ATP2B2: variants seen among roughly 807,000 people sequenced by gnomAD.
ATP2B2 encodes plasma membrane calcium-transporting ATPase 2.
Under a neutral mutation model 120.0 loss-of-function variants are expected in ATP2B2, and 15 were observed. That is an observed-to-expected ratio of 0.12 (90% confidence interval 0.08 to 0.19). The LOEUF (loss-of-function observed/expected upper bound fraction) is 0.19. Ranked by LOEUF, ATP2B2 falls within the 10% of genes least tolerant of loss-of-function variation. The probability of loss-of-function intolerance (pLI) is 1.00; values close to 1 mark genes in which losing one functional copy is unlikely to be tolerated. For synonymous variants in ATP2B2, 694 were observed against 700.3 expected, an observed-to-expected ratio of 0.99 and a Z score of 0.14; for missense variants, 1,045 against 1,719.8, an observed-to-expected ratio of 0.61 and a Z score of 6.94.
chr3:10,673,207 A>G (rs1371394805), intron 1 of ATP2B2, among the ~76,000 whole-genome samples: 1 of 152,144 alleles, frequency 6.6e-6, no homozygotes, highest in Non-Finnish European at 1.5e-5. Context: ...CGGCTGCCTG[A>G]ATAGACTCAG....
At position 10,326,079 on chromosome 3, in the gene ATP2B2, A is replaced by G. The variant is rs1042748900; in HGVS notation, c.*2735T>C. ...ATTGCATAGTATTAAATGAACAGAG[A>G]TGGTGAGTTCTTTATTTACATTATT... On this transcript the variant is annotated 3_prime_UTR_variant, in exon 23 of 23. Coordinates refer to ENST00000360273, the MANE Select transcript of ATP2B2 (RefSeq NM_001001331.4). 6.8e-5 allele frequency: 7 copies of G among 102,784 alleles called. No homozygotes were observed. Among genetic ancestry groups the G allele is most frequent in the Non-Finnish European group, 1.4e-4 (7 of 51,008 alleles). 6.4% of individuals were successfully genotyped at this position (102,784 alleles called of 1,614,324 possible). A position where few individuals can be genotyped will look rare whatever the true frequency, so the allele number is the denominator to read the frequency against.
chr3:10,362,571 G>A (rs1392331143), intron 12 of ATP2B2, among the ~76,000 whole-genome samples: 1 of 152,232 alleles, frequency 6.6e-6, no homozygotes, highest in Non-Finnish European at 1.5e-5. Flanking sequence ...TAAAGTGGAT[G>A]TGGTGAGGGA....
At chr3:10,514,811 C>T (rs936681936) in intron 3 of ATP2B2, among the ~76,000 whole-genome samples, 1 of 152,236 alleles carries the variant, frequency 6.6e-6, no homozygotes, top group African/African-American at 2.4e-5. Flanking sequence ...ACTCTGCAGG[C>T]CCTCTATGGA....
intron 1 of ATP2B2, among the ~76,000 whole-genome samples, chr3:10,498,421 C>T (rs924098735): frequency 2.6e-5 from 4 of 152,368 alleles, no homozygotes; most frequent in East Asian, 1.9e-4. Flanking sequence ...CCCTCTGCTC[C>T]GGATGAGCCT....
At chr3:10,648,776 C>T (rs2070382197) in intron 1 of ATP2B2, among the ~76,000 whole-genome samples, 1 of 152,206 alleles carries the variant, frequency 6.6e-6, no homozygotes, top group African/African-American at 2.4e-5. Flanking sequence ...CCAAATCCTA[C>T]CAGTTTTCCA....
chr3:10,402,918 A>G lies in ATP2B2; in HGVS notation c.398-570T>C, dbSNP rs1489490432. On this transcript the variant is annotated intron_variant, in intron 3 of 22. Transcript: ENST00000360273. The surrounding 1 kb of genome is among the most constrained non-coding windows in gnomAD (Gnocchi z 4.9). ...TTTTCTCTAATTCATGAGAAAAGAG[A>G]GTAAGTGAGGTATTTTTCTTTTTTT... 1.3e-5 allele frequency among the ~76,000 whole-genome samples: 2 copies of G among 149,604 alleles called. No homozygotes were observed. The highest frequency in any genetic ancestry group is 2.9e-5 in the Non-Finnish European group (2 of 68,008).
chr3:10,488,032 C>T (rs1307813556), intron 1 of ATP2B2, among the ~76,000 whole-genome samples: 1 of 151,976 alleles, frequency 6.6e-6, no homozygotes, highest in Non-Finnish European at 1.5e-5. Flanking sequence ...CATCTACTCA[C>T]TCATTCATCC....
intron 2 of ATP2B2, among the ~76,000 whole-genome samples, chr3:10,590,705 C>T (rs1233561802): frequency 6.6e-6 from 1 of 152,238 alleles, no homozygotes; most frequent in African/African-American, 2.4e-5. Flanking sequence ...TGCCCCAAGG[C>T]ACTCTCCCTG....
intron 5 of ATP2B2, among the ~76,000 whole-genome samples, chr3:10,388,959 T>C (rs543630470): frequency 5.9e-5 from 9 of 152,374 alleles, no homozygotes; most frequent in African/African-American, 2.2e-4. Flanking sequence ...GCCAATATAA[T>C]TGGTTTCCTT....
intron 2 of ATP2B2, among the ~76,000 whole-genome samples, chr3:10,444,953 C>T (rs2063788007): frequency 6.6e-6 from 1 of 152,232 alleles, no homozygotes; most frequent in Admixed American, 6.5e-5. Flanking sequence ...GTGTTGGAGA[C>T]ATGGTGGAGA....
At position 10,371,837 on chromosome 3, in the gene ATP2B2, A is replaced by T; in HGVS notation, c.1631T>A (p.Ile544Asn). Reference protein sequence around the residue: ...TMELLINAIAINSAYTTKILP... With the variant: ...TMELLINAIANNSAYTTKILP... ...AATCTTGGTGGTGTAGGCGCTGTTG[A>T]TGGCGATGGCATTGATCAGCAGCTC... The change falls in exon 12 of 23, where the codon ATC becomes AAC. Residue 544 changes from isoleucine (I) to asparagine (N), a missense_variant. Around this residue, in one of 11 missense-constraint regions of ATP2B2, gnomAD observed 343 missense variants for 536.8 expected, o/e 0.64. Coordinates refer to ENST00000360273, the MANE Select transcript of ATP2B2 (RefSeq NM_001001331.4). 6.2e-7 allele frequency: 1 copy of T among 1,614,122 alleles called. No homozygotes were observed. Among genetic ancestry groups the T allele is most frequent in the Non-Finnish European group, 8.5e-7 (1 of 1,180,018 alleles).
At chr3:10,336,144 G>A (rs1031187098) in intron 22 of ATP2B2, 2 of 1,550,634 alleles carry the variant, frequency 1.3e-6, no homozygotes, top group African/African-American at 2.7e-5. Context: ...GCTGCAGCAG[G>A]AGGAAGGCTG....
At chr3:10,421,373 G>A (rs1202604075) in intron 2 of ATP2B2, among the ~76,000 whole-genome samples, 2 of 152,126 alleles carry the variant, frequency 1.3e-5, no homozygotes, top group African/African-American at 4.8e-5. Context: ...TTCCCTGAAA[G>A]CTGCCAACAG....
intron 2 of ATP2B2, among the ~76,000 whole-genome samples, chr3:10,417,028 C>T (rs1159949739): frequency 5.4e-5 from 7 of 128,904 alleles, no homozygotes; most frequent in Non-Finnish European, 1.1e-4. Flanking sequence ...CCAGATAGGG[C>T]GGCAGCCAGG....
chr3:10,590,753 G>A (rs1159931610), intron 2 of ATP2B2, among the ~76,000 whole-genome samples: 1 of 152,224 alleles, frequency 6.6e-6, no homozygotes, highest in East Asian at 1.9e-4. Flanking sequence ...GGCCAGTTGT[G>A]CTCACAACAT....
chr3:10,343,373 T>C lies in ATP2B2; in HGVS notation c.2704-408A>G, dbSNP rs1459834370. 6.8e-6 allele frequency among the ~76,000 whole-genome samples: 1 copy of C among 147,790 alleles called. No individual in the cohort carries two copies. The highest frequency in any genetic ancestry group is 2.1e-4 in the East Asian group (1 of 4,708). ...CCACTGCCTCCTCCCCCTCGGGCTTTCTATCCTACAAACAGTGCCCGTCCC... is the reference window on the plus strand; with the variant it reads ...CCACTGCCTCCTCCCCCTCGGGCTTCCTATCCTACAAACAGTGCCCGTCCC... On this transcript the variant is annotated intron_variant, in intron 18 of 22. Transcript: ENST00000360273. The surrounding 1 kb of genome is among the most constrained non-coding windows in gnomAD (Gnocchi z 4.2).
chr3:10,379,112 G>A, intron 9 of ATP2B2, 131 bp downstream of exon 9: 1 of 1,100,140 alleles, frequency 9.1e-7, no homozygotes, highest in Non-Finnish European at 1.4e-6. Flanking sequence ...CACCCCCAAG[G>A]TCGTCAGACA....
intron 1 of ATP2B2, among the ~76,000 whole-genome samples, chr3:10,478,720 T>G (rs1318505999): frequency 2.0e-5 from 3 of 152,212 alleles, no homozygotes; most frequent in African/African-American, 7.2e-5. Context: ...AAACCCATAA[T>G]TTCCCTGCAC....
intron 2 of ATP2B2, among the ~76,000 whole-genome samples, chr3:10,585,238 CT>C (rs2068478922): frequency 6.6e-6 from 1 of 152,012 alleles, no homozygotes; most frequent in South Asian, 2.1e-4. Context: ...TGGCTCACAC[CT>C]ATAATCCCAG....
Sources: allele counts gnomAD v4.1 joint callset (sites outside exome capture counted in the v4.1 genomes callset), GRCh38; gene constraint gnomAD v4.1.1; regional missense constraint gnomAD v4.1.1; non-coding constraint Gnocchi (gnomAD v3.1); transcripts MANE v1.5; gene names NCBI Gene and HGNC (gene_info 2026-07-23, HGNC 2026-07-21).